Variants in SERPINC1 observed in about 807,000 individuals in gnomAD.
SERPINC1 encodes the protein antithrombin-III.
SERPINC1 carries 12 observed loss-of-function variants against 43.4 expected under a neutral mutation model. The observed-to-expected ratio is 0.28, with a 90% CI of 0.18 to 0.45. The LOEUF (loss-of-function observed/expected upper bound fraction) is 0.45. Ranked by LOEUF, SERPINC1 falls within the 20% of genes least tolerant of loss-of-function variation. The pLI is 1.00. For synonymous variants in SERPINC1, 210 were observed against 218.9 expected, an observed-to-expected ratio of 0.96 and a Z score of 0.36; for missense variants, 423 against 578.8, an observed-to-expected ratio of 0.73 and a Z score of 2.76.
chr1:173,915,062 G>A lies in SERPINC1; in HGVS notation c.42-143C>T, dbSNP rs2102790541. 4.6e-6 allele frequency: 7 copies of A among 1,521,648 alleles called. No individual in the cohort carries two copies. The South Asian group carries it at 7.4e-5, about 16-fold the overall frequency. The allele number at this position is 1,521,648 out of a possible 1,614,324, so 94.3% of individuals were successfully genotyped here. A position where few individuals can be genotyped will look rare whatever the true frequency, so the allele number is the denominator to read the frequency against. On this transcript the variant is annotated intron_variant, in intron 1 of 6. Transcript: ENST00000367698. Reference sequence around the variant, plus strand: ...GGCTAAATCCTTTGAACCAAGTACAGGGGCCCGGGACAGGTTCAGTCCTAG... The same window carrying A: ...GGCTAAATCCTTTGAACCAAGTACAAGGGCCCGGGACAGGTTCAGTCCTAG...
chr1:173,917,114 G>A, intron 1 of SERPINC1, 105 bp downstream of exon 1: 1 of 942,380 alleles, frequency 1.1e-6, no homozygotes, highest in Non-Finnish European at 1.7e-6. Flanking sequence ...AACTACCAGG[G>A]AGAGGGCCTG....
rs762004419 is a variant in SERPINC1 at position 173,909,620 on chromosome 1, C to A, written c.1085G>T (p.Ser362Ile). The A allele has an allele frequency of 6.2e-7, 1 of 1,614,074 alleles. No individual in the cohort carries two copies. The highest frequency in any genetic ancestry group is 8.5e-7 in the Non-Finnish European group (1 of 1,179,996). Residue 362 changes from serine to isoleucine, a missense_variant, in exon 5 of 7, where the codon AGT becomes ATT. Coordinates refer to ENST00000367698, the MANE Select transcript of SERPINC1 (RefSeq NM_000488.4). ...CATGTCTTGCAGCTGCTCCTTCAAA[C>A]TGAAGCCGTCCTCAATGCGGAAGCG... ...MPRFRIEDGFSLKEQLQDMGL... is the reference protein window; with the variant it reads ...MPRFRIEDGFILKEQLQDMGL...
chr1:173,907,438 A>G lies in SERPINC1; in HGVS notation c.1218+12T>C. On this transcript the variant is annotated intron_variant, in intron 6 of 6. Transcript: ENST00000367698. ...TTTCTGTACCCTAAGAGAGTGGGGAAGGTGTACTCACCTCAAGAAATGCCT... is the reference window on the plus strand; with the variant it reads ...TTTCTGTACCCTAAGAGAGTGGGGAGGGTGTACTCACCTCAAGAAATGCCT... The G allele has an allele frequency of 6.3e-7, 1 of 1,597,100 alleles. No homozygotes were observed. The highest frequency in any genetic ancestry group is 8.6e-7 in the Non-Finnish European group (1 of 1,164,478).
intron 4 of SERPINC1, among the ~76,000 whole-genome samples, chr1:173,910,309 T>TG (rs1657714044): frequency 6.6e-6 from 1 of 152,162 alleles, no homozygotes; most frequent in Admixed American, 6.5e-5. Context: ...CCGGGCGCGG[T>TG]GGCTCATGCC....
chr1:173,913,880 A>C (rs1327342672), intron 2 of SERPINC1, among the ~76,000 whole-genome samples: 1 of 150,798 alleles, frequency 6.6e-6, no homozygotes, highest in Non-Finnish European at 1.5e-5. Flanking sequence ...AAAGTTTGAG[A>C]CCAGTCTGGC....
At chr1:173,911,235 G>T (rs1231200499) in intron 3 of SERPINC1, among the ~76,000 whole-genome samples, 1 of 152,256 alleles carries the variant, frequency 6.6e-6, no homozygotes, top group Non-Finnish European at 1.5e-5. Context: ...TCCAAGGCAT[G>T]TGCCAGGGGA....
rs368902256 is a variant in SERPINC1 at position 173,907,450 on chromosome 1, C to T, written c.1218G>A (p.Glu406=). 1.6e-5 allele frequency: 25 copies of T among 1,610,776 alleles called. No homozygotes were observed. In the African/African-American group the frequency reaches 2.3e-4, roughly 15 times the overall value. ...VSDAFHKAFL[E]VNEEGSEAAA... is the part of the protein sequence containing the mutation. ...AAGAGAGTGGGGAAGGTGTACTCACCTCAAGAAATGCCTTATGGAATGCAT... is the reference window on the plus strand; with the variant it reads ...AAGAGAGTGGGGAAGGTGTACTCACTTCAAGAAATGCCTTATGGAATGCAT... Residue 406 remains glutamate (E), a splice_region_variant and synonymous_variant, in exon 6 of 7, where the codon GAG becomes GAA. Coordinates refer to ENST00000367698, the MANE Select transcript of SERPINC1 (RefSeq NM_000488.4).
intron 6 of SERPINC1, among the ~76,000 whole-genome samples, chr1:173,904,694 T>C (rs1657415358): frequency 6.6e-6 from 1 of 152,220 alleles, no homozygotes; most frequent in Non-Finnish European, 1.5e-5. Context: ...AAGCACATGA[T>C]TAACCGGCTC....
At chr1:173,906,164 T>C (rs1016840179) in intron 6 of SERPINC1, among the ~76,000 whole-genome samples, 4 of 152,142 alleles carry the variant, frequency 2.6e-5, no homozygotes, top group Non-Finnish European at 4.4e-5. Flanking sequence ...TGCATAAGAA[T>C]CCCCTGAGGA....
intron 3 of SERPINC1, 56 bp downstream of exon 3, chr1:173,911,743 C>T: frequency 1.5e-6 from 2 of 1,373,540 alleles, no homozygotes; most frequent in Non-Finnish European, 2.1e-6. Context: ...TCCACCTCCT[C>T]AATCTCTGAG....
chr1:173,909,982 G>A (rs1657699689), intron 4 of SERPINC1, 40 bp from the exon 5 acceptor site: 1 of 1,601,714 alleles, frequency 6.2e-7, no homozygotes, highest in Non-Finnish European at 8.6e-7. Context: ...AACATTCATA[G>A]GAGGATAGTT....
At chr1:173,906,517 G>A (rs958060752) in intron 6 of SERPINC1, among the ~76,000 whole-genome samples, 7 of 152,134 alleles carry the variant, frequency 4.6e-5, no homozygotes, top group Non-Finnish European at 8.8e-5. Context: ...TTAAGACACT[G>A]ATGCACACTC....
chr1:173,911,982 T>C lies in SERPINC1; in HGVS notation c.441A>G (p.Thr147=), dbSNP rs1389357802. 2.5e-6 allele frequency: 4 copies of C among 1,614,010 alleles called. No individual in the cohort carries two copies. In the African/African-American group the frequency reaches 4.0e-5, roughly 16 times the overall value. Residue 147 remains threonine, a synonymous_variant, in exon 3 of 7, where the codon ACA becomes ACG. Coordinates refer to ENST00000367698, the MANE Select transcript of SERPINC1 (RefSeq NM_000488.4). ...CAAAGAAGAAGTGGATCTGATCAGA[T>C]GTTTTCTCAGATATGGTGTCAAACT... ...VFKFDTISEK[T]SDQIHFFFAK...
At chr1:173,908,683 C>T (rs891536689) in intron 5 of SERPINC1, among the ~76,000 whole-genome samples, 1 of 152,026 alleles carries the variant, frequency 6.6e-6, no homozygotes, top group Non-Finnish European at 1.5e-5. Context: ...AGCTCTGCCT[C>T]CCAAGAAGCT....
intron 5 of SERPINC1, among the ~76,000 whole-genome samples, chr1:173,909,099 G>T (rs1043295226): frequency 6.6e-6 from 1 of 152,128 alleles, no homozygotes; most frequent in African/African-American, 2.4e-5. Flanking sequence ...GGAGGCAGAG[G>T]TTGCAGTGAG....
At position 173,909,654 on chromosome 1, in the gene SERPINC1, G is replaced by A. The variant is rs960126155; in HGVS notation, c.1051C>T (p.His351Tyr). The change falls in exon 5 of 7, where the codon CAC becomes TAC. Residue 351 changes from histidine (H) to tyrosine (Y), a missense_variant. His to Tyr is a moderately conservative substitution (Grantham distance 83). Coordinates refer to ENST00000367698, the MANE Select transcript of SERPINC1 (RefSeq NM_000488.4). ...DELEEMMLVV[H>Y]MPRFRIEDGF... is the part of the protein sequence containing the mutation. Reference sequence around the variant, plus strand: ...TCCTCAATGCGGAAGCGGGGCATGTGGACCACCAGCATCATCTCCTCCAAT... The same window carrying A: ...TCCTCAATGCGGAAGCGGGGCATGTAGACCACCAGCATCATCTCCTCCAAT... The A allele has an allele frequency of 3.7e-6, 6 of 1,613,808 alleles. No homozygotes were observed. The African/African-American group carries it at 5.3e-5, about 14-fold the overall frequency.
At chr1:173,907,591 AT>A (rs1657574350) in intron 5 of SERPINC1, 77 bp from the exon 6 acceptor site, 4 of 995,082 alleles carry the variant, frequency 4.0e-6, no homozygotes, top group Non-Finnish European at 6.5e-6. Context: ...TTCAGTTTGG[AT>A]TAAGAGATCC....
At chr1:173,904,320 T>C (rs1029586294) in intron 6 of SERPINC1, among the ~76,000 whole-genome samples, 5 of 152,222 alleles carry the variant, frequency 3.3e-5, no homozygotes, top group African/African-American at 4.8e-5. Context: ...CCCAGAAATC[T>C]GAATGTACAC....
chr1:173,916,163 G>A (rs775545516), intron 1 of SERPINC1, among the ~76,000 whole-genome samples: 1 of 152,210 alleles, frequency 6.6e-6, no homozygotes, highest in Admixed American at 6.5e-5. Context: ...TGGGACACTC[G>A]ATGAAGCAAA....
Sources: gnomAD v4.1 joint callset for allele counts (sites outside exome capture counted in the v4.1 genomes callset) on GRCh38, gnomAD v4.1.1 for gene constraint, MANE v1.5 for transcripts, NCBI Gene and HGNC (gene_info 2026-07-23, HGNC 2026-07-21) for gene names.